The following MIPOL1 variants were observed in gnomAD, a reference collection of about 807,000 sequenced individuals.
The protein encoded by MIPOL1 is mirror-image polydactyly gene 1 protein.
In MIPOL1, 57 loss-of-function variants were observed where a neutral mutation model predicts 60.9. That is an observed-to-expected ratio of 0.94 (90% confidence interval 0.76 to 1.17). MIPOL1 has a LOEUF of 1.17. MIPOL1 is among the 50% of genes most tolerant of loss of function. The pLI is 0.00. For synonymous variants in MIPOL1, 179 were observed against 168.8 expected (o/e 1.06, Z -0.47); for missense variants, 551 against 511.6 (o/e 1.08, Z -0.74).
chr14:37,513,396 A>C (rs2095344461), intron 12 of MIPOL1, among the ~76,000 whole-genome samples: 1 of 152,138 alleles, frequency 6.6e-6, no homozygotes, highest in Non-Finnish European at 1.5e-5. Context: ...AATGTTTGAC[A>C]AGTACATAAT....
chr14:37,323,639 T>C lies in MIPOL1; in HGVS notation c.828+15120T>C, dbSNP rs1373107088. Among the ~76,000 whole-genome samples, 3 of 152,002 alleles carry C rather than the reference T, an allele frequency of 2.0e-5. No homozygotes were observed. The East Asian group carries it at 5.8e-4, about 29-fold the overall frequency. On this transcript the variant is annotated intron_variant, in intron 9 of 12. Transcript: ENST00000684589. ...ATAAAATTTACATGCACAAATGAAA[T>C]ACATAAATATTAAACTGGCAATTTG... is the stretch of plus-strand genomic sequence containing the variant.
At chr14:37,378,040 T>C (rs917461101) in intron 10 of MIPOL1, among the ~76,000 whole-genome samples, 4 of 152,104 alleles carry the variant, frequency 2.6e-5, no homozygotes, top group Middle Eastern at 3.2e-3. Context: ...AATACTGATA[T>C]ACTAAATGTT....
intron 6 of MIPOL1, among the ~76,000 whole-genome samples, chr14:37,283,961 A>G (rs1285973113): frequency 4.6e-5 from 7 of 152,076 alleles, no homozygotes; most frequent in Non-Finnish European, 7.4e-5. Flanking sequence ...GATATTCTGT[A>G]GCACTTTGGC....
At chr14:37,465,113 A>C (rs2094582938) in intron 11 of MIPOL1, among the ~76,000 whole-genome samples, 2 of 152,208 alleles carry the variant, frequency 1.3e-5, no homozygotes, top group Admixed American at 6.5e-5. Flanking sequence ...CAATATAGAC[A>C]TGTCTTCAGG....
chr14:37,332,722 T>A (rs11156943), intron 9 of MIPOL1, among the ~76,000 whole-genome samples: 88,141 of 151,962 alleles, frequency 0.58, 26,632 homozygotes, highest in Non-Finnish European at 0.67. Context: ...CAATCTGTGG[T>A]ACATATCAGG....
chr14:37,240,524 A>G (rs891894128), intron 1 of MIPOL1: 4 of 152,208 alleles, frequency 2.6e-5, no homozygotes, highest in Admixed American at 1.3e-4. Flanking sequence ...GGCACCCACA[A>G]GGATCTTAAG....
At chr14:37,294,518 G>A (rs1352016692) in intron 7 of MIPOL1, among the ~76,000 whole-genome samples, 1 of 152,090 alleles carries the variant, frequency 6.6e-6, no homozygotes, top group East Asian at 1.9e-4. Flanking sequence ...CCGAGCTAAA[G>A]GAGGAAGTTT....
chr14:37,451,804 CTCTCTTTTTT>C (rs1172403743), intron 11 of MIPOL1, among the ~76,000 whole-genome samples: 8 of 108,392 alleles, frequency 7.4e-5, no homozygotes, highest in Non-Finnish European at 9.9e-5. Context: ...TTTGTTTATT[CTCTCTTTTTT>C]TTTTTTTTTT....
rs771295457 is a variant in MIPOL1, at chr14:37,266,918, A to G, written c.20-20A>G. 6.6e-7 allele frequency: 1 copy of G among 1,511,430 alleles called. No homozygotes were observed. The allele number at this position is 1,511,430 out of a possible 1,614,324, so 93.6% of individuals were successfully genotyped here. On this transcript the variant is annotated intron_variant, in intron 3 of 12. Coordinates refer to ENST00000684589, the MANE Select transcript of MIPOL1 (RefSeq NM_001388067.1). ...TATGGTGTTTAATATATCATGTGTT[A>G]TTTGTTTGTTTAAATACAGACATAA... is the stretch of plus-strand genomic sequence containing the variant.
chr14:37,353,712 C>G (rs1464619665), intron 9 of MIPOL1, among the ~76,000 whole-genome samples: 1 of 152,094 alleles, frequency 6.6e-6, no homozygotes, highest in African/African-American at 2.4e-5. Flanking sequence ...TTGTAGTATT[C>G]TCTGATGGTA....
At chr14:37,323,305 T>A (rs904636235) in intron 9 of MIPOL1, among the ~76,000 whole-genome samples, 1 of 152,134 alleles carries the variant, frequency 6.6e-6, no homozygotes, top group African/African-American at 2.4e-5. Context: ...GTGTTATTTC[T>A]GAGGCCTCTG....
At chr14:37,236,146 G>T (rs1051707413) in intron 1 of MIPOL1, among the ~76,000 whole-genome samples, 1 of 151,858 alleles carries the variant, frequency 6.6e-6, no homozygotes, top group Non-Finnish European at 1.5e-5. Context: ...GGCTGGTCTC[G>T]AACTCCTGAG....
chr14:37,212,261 T>G (rs1053611008), intron 1 of MIPOL1: 1 of 152,178 alleles, frequency 6.6e-6, no homozygotes, highest in Non-Finnish European at 1.5e-5. Flanking sequence ...GGTAGAACAC[T>G]AAGTGGGCTC....
At position 37,488,659 on chromosome 14, in the gene MIPOL1, C is replaced by T. The variant is rs185256507; in HGVS notation, c.1032-11249C>T. ...GATGACAAAAATCTCTCAGCATTTG[C>T]TTGTCTGTAAAGGATTTTATTTCTC... is the stretch of plus-strand genomic sequence containing the variant. On this transcript the variant is annotated intron_variant, in intron 11 of 12. Coordinates refer to ENST00000684589, the MANE Select transcript of MIPOL1 (RefSeq NM_001388067.1). Among the ~76,000 whole-genome samples, 168 of 152,244 alleles carry T rather than the reference C, an allele frequency of 1.1e-3. 4 individuals carry two copies. The highest frequency in any genetic ancestry group is 3.8e-3 in the African/African-American group (159 of 41,542).
intron 10 of MIPOL1, among the ~76,000 whole-genome samples, chr14:37,387,968 G>T (rs2093122301): frequency 6.6e-6 from 1 of 151,858 alleles, no homozygotes; most frequent in African/African-American, 2.4e-5. Flanking sequence ...GAAGGGAAAA[G>T]CAAAGATGTG....
chr14:37,468,200 A>T (rs2094628024), intron 11 of MIPOL1, among the ~76,000 whole-genome samples: 1 of 151,716 alleles, frequency 6.6e-6, no homozygotes, highest in African/African-American at 2.4e-5. Flanking sequence ...GTGTGTGTGT[A>T]GTTGCTCAAT....
intron 9 of MIPOL1, among the ~76,000 whole-genome samples, chr14:37,360,553 T>A (rs1035092331): frequency 6.6e-6 from 1 of 152,346 alleles, no homozygotes; most frequent in South Asian, 2.1e-4. Flanking sequence ...TGGGAGGGTG[T>A]ACGTGTCCAG....
intron 6 of MIPOL1, chr14:37,276,715 A>G (rs533911067): frequency 6.6e-6 from 1 of 151,376 alleles, no homozygotes; most frequent in South Asian, 2.1e-4. Flanking sequence ...AAAATGTGAT[A>G]GCCTTTAACC....
intron 10 of MIPOL1, among the ~76,000 whole-genome samples, chr14:37,379,907 A>G (rs1200336058): frequency 1.3e-5 from 2 of 152,064 alleles, no homozygotes; most frequent in Non-Finnish European, 2.9e-5. Context: ...TCATTTACCC[A>G]TCCTTCAACC....
Sources: allele counts gnomAD v4.1 joint callset (sites outside exome capture counted in the v4.1 genomes callset), GRCh38; gene constraint gnomAD v4.1.1; transcripts MANE v1.5; gene names NCBI Gene and HGNC (gene_info 2026-07-23, HGNC 2026-07-21).